MACROH2A1: variants seen among roughly 807,000 people sequenced by gnomAD.
MACROH2A1 encodes macroH2A.1 histone.
A neutral mutation model predicts 31.6 loss-of-function variants in MACROH2A1; 2 were observed. The observed-to-expected ratio is 0.06, with a 90% CI of 0.03 to 0.20. MACROH2A1 has a LOEUF of 0.20. Ranked by LOEUF, MACROH2A1 falls within the 10% of genes least tolerant of loss-of-function variation. The pLI, the probability that MACROH2A1 is intolerant of heterozygous loss-of-function variation, is 1.00. For synonymous variants in MACROH2A1, 169 were observed against 189.6 expected, an observed-to-expected ratio of 0.89 and a Z score of 0.89; for missense variants, 230 against 474.0, an observed-to-expected ratio of 0.49 and a Z score of 4.78.
At chr5:135,343,868 A>G in intron 7 of MACROH2A1, 1 of 230,470 alleles carries the variant, frequency 4.3e-6, no homozygotes, top group Non-Finnish European at 8.7e-6. Context: ...AATATGATGT[A>G]TTTGTCTCTA....
chr5:135,365,743 C>CA (rs1763418824), intron 4 of MACROH2A1, among the ~76,000 whole-genome samples: 1 of 152,214 alleles, frequency 6.6e-6, no homozygotes, highest in Non-Finnish European at 1.5e-5. Flanking sequence ...AAAATATACT[C>CA]ACTCTTTGCC....
chr5:135,390,418 A>G (rs1201632609), intron 1 of MACROH2A1, among the ~76,000 whole-genome samples: 1 of 152,208 alleles, frequency 6.6e-6, no homozygotes, highest in Non-Finnish European at 1.5e-5. Context: ...CACTTCAGGT[A>G]TTATGCTGGG....
At chr5:135,371,950 C>T (rs1256061197) in intron 2 of MACROH2A1, among the ~76,000 whole-genome samples, 1 of 152,138 alleles carries the variant, frequency 6.6e-6, no homozygotes, top group Non-Finnish European at 1.5e-5. Context: ...TTAAGAGGTA[C>T]TAACAGCTCC....
rs150962027 is a variant in MACROH2A1, at chr5:135,376,609, G to C, written c.173-6467C>G. Among the ~76,000 whole-genome samples, 4 of 152,170 alleles carry C rather than the reference G, an allele frequency of 2.6e-5. No individual in the cohort carries two copies. The South Asian group carries it at 6.2e-4, about 24-fold the overall frequency. On this transcript the variant is annotated intron_variant, in intron 2 of 8. Coordinates refer to ENST00000511689, the MANE Select transcript of MACROH2A1 (RefSeq NM_138610.3). ...GCAATCGCAAATGGCACTGTGGTGA[G>C]AGCCCGGGGTCTGCTGACAGACCGT...
At chr5:135,343,077 G>A (rs1205491394) in intron 8 of MACROH2A1, 183 bp downstream of exon 8, 2 of 1,404,182 alleles carry the variant, frequency 1.4e-6, no homozygotes, top group African/African-American at 2.9e-5. Flanking sequence ...TTGGGATTTG[G>A]GTCTCTCTAA....
chr5:135,336,861 TAAA>T (rs1480468397), intron 8 of MACROH2A1, among the ~76,000 whole-genome samples: 1 of 152,202 alleles, frequency 6.6e-6, no homozygotes, highest in African/African-American at 2.4e-5. Context: ...CTTGAGGAGA[TAAA>T]AACTCAATCT....
At chr5:135,383,847 C>T (rs114290742) in intron 2 of MACROH2A1, among the ~76,000 whole-genome samples, 2,086 of 152,058 alleles carry the variant, frequency 0.014, 57 homozygotes, top group African/African-American at 0.048. Context: ...AAGGTACTAG[C>T]AAGCATTAGC....
At chr5:135,340,406 A>T (rs1191825324) in intron 8 of MACROH2A1, among the ~76,000 whole-genome samples, 2 of 152,216 alleles carry the variant, frequency 1.3e-5, no homozygotes, top group African/African-American at 4.8e-5. Context: ...TAAGCTTATA[A>T]ATCTAAGGAA....
chr5:135,342,647 A>AG (rs1248810392), intron 8 of MACROH2A1, among the ~76,000 whole-genome samples: 2 of 152,172 alleles, frequency 1.3e-5, no homozygotes, highest in Admixed American at 1.3e-4. Context: ...TGGGACAGGA[A>AG]GTGGAGTAGG....
At chr5:135,389,519 G>A (rs181731161) in intron 1 of MACROH2A1, among the ~76,000 whole-genome samples, 1 of 152,262 alleles carries the variant, frequency 6.6e-6, no homozygotes, top group East Asian at 1.9e-4. Context: ...CTAAAAAGAT[G>A]ATGTAAAGGC....
At chr5:135,336,957 C>CTT (rs1459810409) in intron 8 of MACROH2A1, among the ~76,000 whole-genome samples, 1 of 152,208 alleles carries the variant, frequency 6.6e-6, no homozygotes, top group Non-Finnish European at 1.5e-5. Context: ...GCAGCCTGTA[C>CTT]TTAGGGGCCA....
chr5:135,371,042 G>A (rs1764112889), intron 2 of MACROH2A1, among the ~76,000 whole-genome samples: 1 of 152,222 alleles, frequency 6.6e-6, no homozygotes, highest in African/African-American at 2.4e-5. Flanking sequence ...GTTAACAGTT[G>A]TTAAATCTAG....
At chr5:135,388,806 C>T (rs1766787195) in intron 2 of MACROH2A1, 116 bp downstream of exon 2, 1 of 855,304 alleles carries the variant, frequency 1.2e-6, no homozygotes, top group Admixed American at 2.8e-5. Flanking sequence ...CTTCTTGTAA[C>T]TTTTCTGTAG....
chr5:135,379,148 C>T lies in MACROH2A1; in HGVS notation c.173-9006G>A, dbSNP rs571010991. ...TTTCCAGAGGCCTTGGGTTTGTTTC[C>T]ACATGGCTCCCACAGCTCTGCAGGG... is the stretch of plus-strand genomic sequence containing the variant. On this transcript the variant is annotated intron_variant, in intron 2 of 8. Coordinates refer to ENST00000511689, the MANE Select transcript of MACROH2A1 (RefSeq NM_138610.3). Among the ~76,000 whole-genome samples the T allele has an allele frequency of 3.9e-5, 6 of 152,238 alleles. No homozygotes were observed. The South Asian group carries it at 1.2e-3, about 32-fold the overall frequency.
At chr5:135,371,077 C>T (rs1422056926) in intron 2 of MACROH2A1, among the ~76,000 whole-genome samples, 1 of 152,176 alleles carries the variant, frequency 6.6e-6, no homozygotes, top group African/African-American at 2.4e-5. Flanking sequence ...GAACATTCCT[C>T]TTTCAAGGAA....
At chr5:135,364,658 GA>G (rs1447967912) in intron 4 of MACROH2A1, among the ~76,000 whole-genome samples, 1 of 152,214 alleles carries the variant, frequency 6.6e-6, no homozygotes, top group Non-Finnish European at 1.5e-5. Context: ...AGACATTTAA[GA>G]AACTGTAGAA....
chr5:135,396,383 G>A (rs1477669371), intron 1 of MACROH2A1, among the ~76,000 whole-genome samples: 1 of 152,188 alleles, frequency 6.6e-6, no homozygotes. Context: ...AAACCCTTCA[G>A]TTGCTCTTAG....
chr5:135,378,057 G>A (rs776535744), intron 2 of MACROH2A1, among the ~76,000 whole-genome samples: 2 of 152,168 alleles, frequency 1.3e-5, no homozygotes, highest in Non-Finnish European at 2.9e-5. Flanking sequence ...ATTTGCCTAA[G>A]CTCCAACACC....
chr5:135,362,551 A>T (rs1007210488), intron 4 of MACROH2A1: 2 of 152,206 alleles, frequency 1.3e-5, no homozygotes, highest in African/African-American at 4.8e-5. Flanking sequence ...TAAAAATAGG[A>T]TGCTAAGCCC....
Sources: allele counts gnomAD v4.1 joint callset (sites outside exome capture counted in the v4.1 genomes callset), GRCh38; gene constraint gnomAD v4.1.1; transcripts MANE v1.5; gene names NCBI Gene and HGNC (gene_info 2026-07-23, HGNC 2026-07-21).